SNTG1: variants seen among roughly 807,000 people sequenced by gnomAD.
SNTG1 encodes the protein syntrophin gamma 1, also known as gamma-1-syntrophin.
SNTG1 carries 39 observed loss-of-function variants against 74.7 expected under a neutral mutation model. The observed-to-expected ratio is 0.52, with a 90% CI of 0.40 to 0.68. The LOEUF (loss-of-function observed/expected upper bound fraction) is 0.68. SNTG1 is among the 30% of genes least tolerant of loss of function. SNTG1 has a pLI of 0.00. For synonymous variants in SNTG1, 254 were observed against 217.1 expected (o/e 1.17, Z -1.49); for missense variants, 685 against 609.5 (o/e 1.12, Z -1.30).
intron 8 of SNTG1, among the ~76,000 whole-genome samples, chr8:50,474,569 A>G (rs774041912): frequency 1.3e-5 from 2 of 152,150 alleles, no homozygotes; most frequent in Non-Finnish European, 2.9e-5. Context: ...TTAAAAAATC[A>G]GGAAACAACA....
intron 5 of SNTG1, among the ~76,000 whole-genome samples, chr8:50,446,260 GTGA>G (rs2093406424): frequency 6.6e-6 from 1 of 151,986 alleles, no homozygotes; most frequent in East Asian, 1.9e-4. Context: ...TGAAGGCAGC[GTGA>G]TTTTGAGTTC....
intron 6 of SNTG1, among the ~76,000 whole-genome samples, chr8:50,450,166 A>G (rs549659672): frequency 4.6e-5 from 7 of 152,388 alleles, no homozygotes; most frequent in Non-Finnish European, 1.0e-4. Flanking sequence ...AACTGAAATT[A>G]GTAAAACAAT....
intron 1 of SNTG1, among the ~76,000 whole-genome samples, chr8:50,066,457 C>G (rs1035935345): frequency 6.6e-6 from 1 of 152,054 alleles, no homozygotes; most frequent in Non-Finnish European, 1.5e-5. Context: ...GGAGTAGCAA[C>G]TTTCTGGAAA....
At chr8:50,330,594 C>T (rs1219173552) in intron 2 of SNTG1, among the ~76,000 whole-genome samples, 2 of 152,130 alleles carry the variant, frequency 1.3e-5, no homozygotes, top group Non-Finnish European at 2.9e-5. Flanking sequence ...CCCCACTATC[C>T]CAGTACCAAT....
At chr8:50,530,830 T>C (rs1204968745) in intron 10 of SNTG1, among the ~76,000 whole-genome samples, 1 of 152,200 alleles carries the variant, frequency 6.6e-6, no homozygotes, top group Admixed American at 6.5e-5. Context: ...GCATTTTGAG[T>C]AAATCGATTT....
chr8:49,941,455 T>C (rs187019331), intron 1 of SNTG1, among the ~76,000 whole-genome samples: 1 of 148,208 alleles, frequency 6.7e-6, no homozygotes, highest in East Asian at 1.9e-4. Context: ...ATATTATATA[T>C]TATATTAATA....
intron 18 of SNTG1, among the ~76,000 whole-genome samples, chr8:50,754,266 AT>A (rs573233777): frequency 2.6e-5 from 4 of 152,014 alleles, no homozygotes; most frequent in Non-Finnish European, 5.9e-5. Context: ...AAAATGCCAA[AT>A]TATATTCTAT....
rs373159128 is a variant in SNTG1, at chr8:50,330,193, T to C, written c.-27-64019T>C. ...TCCTGTGATAGTGAGTGAGTTCACA[T>C]GAGATCTGATGTTTTTATAAGGGGG... On this transcript the variant is annotated intron_variant, in intron 2 of 18. Transcript: ENST00000642720. Among the ~76,000 whole-genome samples, 43 of 152,264 alleles carry C rather than the reference T, an allele frequency of 2.8e-4. No homozygotes were observed. In the South Asian group the frequency reaches 6.6e-3, roughly 24 times the overall value.
intron 17 of SNTG1, among the ~76,000 whole-genome samples, chr8:50,736,684 A>G (rs35851691): frequency 0.21 from 31,373 of 151,742 alleles, 3,361 homozygotes; most frequent in South Asian, 0.32. Flanking sequence ...AAGAAAAAAC[A>G]CTCCCCAGCA....
intron 15 of SNTG1, among the ~76,000 whole-genome samples, chr8:50,691,957 C>A (rs1245541821): frequency 6.6e-6 from 1 of 151,988 alleles, no homozygotes; most frequent in African/African-American, 2.4e-5. Flanking sequence ...TCTTTTTATT[C>A]TTTTTTCTCT....
chr8:50,571,623 G>C (rs780954453), intron 12 of SNTG1, among the ~76,000 whole-genome samples: 2 of 152,096 alleles, frequency 1.3e-5, no homozygotes, highest in African/African-American at 2.4e-5. Context: ...AGTTCCTTAG[G>C]CTCAAATATC....
In SNTG1 at chr8:50,395,506, G is replaced by GGATTT. The variant is rs58030144; in HGVS notation, c.27+1241_27+1242insGATTT. The stretch of plus-strand genomic sequence containing the variant: ...TTTAAATTTTAATTGTCTAATTTCT[G>GGATTT]TTTTTTTTTTTTTTTTTAATGGAGT... On this transcript the variant is annotated intron_variant, in intron 3 of 18. Coordinates refer to ENST00000642720, the MANE Select transcript of SNTG1 (RefSeq NM_018967.5). 1.6e-3 allele frequency among the ~76,000 whole-genome samples: 216 copies of GGATTT among 135,672 alleles called. 1 individual carries two copies. Among genetic ancestry groups the GGATTT allele is most frequent in the African/African-American group, 5.5e-3 (202 of 36,470 alleles). 89.0% of individuals were successfully genotyped at this position (135,672 alleles called of 152,430 possible).
chr8:50,762,260 G>A (rs529733119), intron 18 of SNTG1, among the ~76,000 whole-genome samples: 1 of 152,088 alleles, frequency 6.6e-6, no homozygotes, highest in East Asian at 1.9e-4. Flanking sequence ...TCTTTAGAAG[G>A]GGTGAATAGC....
chr8:50,515,400 T>G (rs1365505649), intron 9 of SNTG1, among the ~76,000 whole-genome samples: 2 of 104,672 alleles, frequency 1.9e-5, no homozygotes, highest in South Asian at 3.2e-4. Flanking sequence ...TTTTTTTTTT[T>G]TTTTTTTTTT....
chr8:50,096,888 ATAG>A (rs1285863576), intron 1 of SNTG1, among the ~76,000 whole-genome samples: 1 of 152,314 alleles, frequency 6.6e-6, no homozygotes, highest in South Asian at 2.1e-4. Flanking sequence ...TATGAAAAAA[ATAG>A]TAGTAGTGTT....
At chr8:49,979,231 GC>G (rs1255396383) in intron 1 of SNTG1, among the ~76,000 whole-genome samples, 1 of 152,208 alleles carries the variant, frequency 6.6e-6, no homozygotes, top group African/African-American at 2.4e-5. Context: ...TGCAGCCAGA[GC>G]GGAGTGCGCC....
intron 12 of SNTG1, among the ~76,000 whole-genome samples, chr8:50,581,518 T>G (rs1445681486): frequency 6.6e-6 from 1 of 152,206 alleles, no homozygotes; most frequent in Non-Finnish European, 1.5e-5. Context: ...CCTTTTAAAT[T>G]ATAAGTATTC....
At chr8:50,468,035 A>C (rs1034013394) in intron 8 of SNTG1, among the ~76,000 whole-genome samples, 5 of 151,750 alleles carry the variant, frequency 3.3e-5, no homozygotes, top group Non-Finnish European at 7.4e-5. Context: ...AAAATAGTTA[A>C]AATTTGTTTT....
In SNTG1 at chr8:50,212,614, A is replaced by G. The variant is rs187173867; in HGVS notation, c.-28+39979A>G. ...AATACTTTCTCATAAGAAAATGATAAGTATTCTGTTTTCCTATTACAACGG... is the reference window on the plus strand; with the variant it reads ...AATACTTTCTCATAAGAAAATGATAGGTATTCTGTTTTCCTATTACAACGG... On this transcript the variant is annotated intron_variant, in intron 2 of 18. Transcript: ENST00000642720. Among the ~76,000 whole-genome samples the G allele has an allele frequency of 9.8e-5, 15 of 152,330 alleles. No individual in the cohort carries two copies. The East Asian group carries it at 1.7e-3, about 18-fold the overall frequency.
Sources: gnomAD v4.1 joint callset for allele counts (sites outside exome capture counted in the v4.1 genomes callset) on GRCh38, gnomAD v4.1.1 for gene constraint, MANE v1.5 for transcripts, NCBI Gene and HGNC (gene_info 2026-07-23, HGNC 2026-07-21) for gene names.